The following VAPA variants were observed in gnomAD, a reference collection of about 807,000 sequenced individuals.
The protein encoded by VAPA is vesicle-associated membrane protein-associated protein A.
Under a neutral mutation model 25.6 loss-of-function variants are expected in VAPA, and 6 were observed. The observed-to-expected ratio is 0.23, with a 90% CI of 0.13 to 0.46. VAPA has a LOEUF of 0.46. Ranked by LOEUF, VAPA falls within the 20% of genes least tolerant of loss-of-function variation. The probability of loss-of-function intolerance (pLI) is 0.99; values close to 1 mark genes in which losing one functional copy is unlikely to be tolerated. For missense variants in VAPA, 244 were observed against 302.1 expected (o/e 0.81, Z 1.43); for synonymous variants, 112 against 106.2 (o/e 1.05, Z -0.34).
intron 4 of VAPA, among the ~76,000 whole-genome samples, chr18:9,938,438 A>G (rs1046786859): frequency 2.6e-5 from 4 of 152,200 alleles, no homozygotes; most frequent in Admixed American, 6.5e-5. Context: ...GAACCTCGCC[A>G]TTTACACATC....
At position 9,927,006 on chromosome 18, in the gene VAPA, G is replaced by A. The variant is rs2069205724; in HGVS notation, c.80-4804G>A. ...ATGTGCATTGTCTGTTTATTCTTAA[G>A]TTACATTTTAGAAGTGTTTTCTGTT... is the stretch of plus-strand genomic sequence containing the variant. On this transcript the variant is annotated intron_variant, in intron 1 of 5. Coordinates refer to ENST00000400000, the MANE Select transcript of VAPA (RefSeq NM_194434.3). Among the ~76,000 whole-genome samples, 3 of 152,184 alleles carry A rather than the reference G, an allele frequency of 2.0e-5. No homozygotes were observed. The Middle Eastern group carries it at 0.01, about 518-fold the overall frequency.
chr18:9,925,504 A>G lies in VAPA; in HGVS notation c.80-6306A>G, dbSNP rs138413046. On this transcript the variant is annotated intron_variant, in intron 1 of 5. Transcript: ENST00000400000. ...TTTTTTTCCCAGAAAGTATTACTCT[A>G]TTTGTACAAAAATATTTATACAAAA... Among the ~76,000 whole-genome samples the G allele has an allele frequency of 2.6e-3, 394 of 152,196 alleles. 2 individuals carry two copies. Among genetic ancestry groups the G allele is most frequent in the African/African-American group, 9.1e-3 (378 of 41,542 alleles).
At chr18:9,929,962 G>A (rs935715685) in intron 1 of VAPA, among the ~76,000 whole-genome samples, 12 of 152,080 alleles carry the variant, frequency 7.9e-5, no homozygotes, top group Non-Finnish European at 1.8e-4. Flanking sequence ...CCCACTATCT[G>A]TATTGACAAT....
intron 1 of VAPA, chr18:9,914,954 A>G (rs2069099762): frequency 6.6e-6 from 1 of 152,096 alleles, no homozygotes; most frequent in Admixed American, 6.5e-5. Flanking sequence ...GTCGCTTGTC[A>G]CCTTTCCGCC....
At chr18:9,920,423 C>T (rs1302459214) in intron 1 of VAPA, among the ~76,000 whole-genome samples, 1 of 152,222 alleles carries the variant, frequency 6.6e-6, no homozygotes, top group Non-Finnish European at 1.5e-5. Context: ...CTGCCTCAGC[C>T]TCCCAAGTAG....
At position 9,914,278 on chromosome 18, in the gene VAPA, A is replaced by G; in HGVS notation, c.22A>G (p.Met8Val). Residue 8 changes from methionine (M) to valine (V), a missense_variant, in exon 1 of 6, where the codon ATG becomes GTG. Coordinates refer to ENST00000400000, the MANE Select transcript of VAPA (RefSeq NM_194434.3). ...TCCGATGGCGTCCGCCTCAGGGGCCATGGCGAAGCACGAGCAGATCCTGGT... is the reference window on the plus strand; with the variant it reads ...TCCGATGGCGTCCGCCTCAGGGGCCGTGGCGAAGCACGAGCAGATCCTGGT... Reference protein sequence around the residue: MASASGAMAKHEQILVLD... With the variant: MASASGAVAKHEQILVLD... 6.3e-7 allele frequency: 1 copy of G among 1,586,780 alleles called. No homozygotes were observed. The highest frequency in any genetic ancestry group is 8.6e-7 in the Non-Finnish European group (1 of 1,168,012).
At chr18:9,937,624 CAA>C (rs530126865) in intron 4 of VAPA, among the ~76,000 whole-genome samples, 168 of 152,174 alleles carry the variant, frequency 1.1e-3, no homozygotes, top group African/African-American at 3.8e-3. Flanking sequence ...CAAAAACAAA[CAA>C]AAAATAGTCT....
chr18:9,922,298 A>T (rs1296280981), intron 1 of VAPA, among the ~76,000 whole-genome samples: 1 of 152,164 alleles, frequency 6.6e-6, no homozygotes, highest in Non-Finnish European at 1.5e-5. Context: ...ACAAATCCTG[A>T]ATGATAGCAT....
chr18:9,922,141 G>A (rs547627948), intron 1 of VAPA, among the ~76,000 whole-genome samples: 2 of 151,976 alleles, frequency 1.3e-5, no homozygotes, highest in African/African-American at 4.8e-5. Context: ...ATTATTATAT[G>A]TTTTATTTTT....
intron 1 of VAPA, among the ~76,000 whole-genome samples, chr18:9,925,968 C>A (rs2069197206): frequency 6.6e-6 from 1 of 152,080 alleles, no homozygotes; most frequent in Non-Finnish European, 1.5e-5. Flanking sequence ...TAGAGTCAGA[C>A]CTGGTTTGAC....
At chr18:9,945,627 G>A (rs569014315) in intron 4 of VAPA, among the ~76,000 whole-genome samples, 14 of 152,206 alleles carry the variant, frequency 9.2e-5, no homozygotes, top group South Asian at 6.2e-4. Flanking sequence ...GCCTCCCAAA[G>A]TCCTGGGATT....
At position 9,931,976 on chromosome 18, in the gene VAPA, T is replaced by C; in HGVS notation, c.232+14T>C. On this transcript the variant is annotated intron_variant, in intron 2 of 5. Transcript: ENST00000400000. ...TGACTGTTTCAGGTAGCAAATCATG[T>C]TCTGAATTTATGTACATTTGAATTT... 6.4e-7 allele frequency: 1 copy of C among 1,552,760 alleles called. No individual in the cohort carries two copies. Among genetic ancestry groups the C allele is most frequent in the Non-Finnish European group, 8.7e-7 (1 of 1,144,148 alleles).
chr18:9,921,734 TTAAA>T (rs2143292412), intron 1 of VAPA, among the ~76,000 whole-genome samples: 1 of 152,276 alleles, frequency 6.6e-6, no homozygotes, highest in Admixed American at 6.5e-5. Context: ...TGGAAAAAAA[TTAAA>T]TGTGCGAGAG....
chr18:9,932,106 A>C (rs965450903), intron 2 of VAPA, 144 bp downstream of exon 2: 2 of 596,418 alleles, frequency 3.4e-6, no homozygotes, highest in African/African-American at 3.8e-5. Context: ...TTGTTACAGT[A>C]CTCTGCAAGC....
chr18:9,914,367 TG>T, intron 1 of VAPA, 32 bp downstream of exon 1: 1 of 1,544,812 alleles, frequency 6.5e-7, no homozygotes, highest in Admixed American at 2.0e-5. Flanking sequence ...CCGGGTGGGG[TG>T]GGGCGCGCGG....
intron 4 of VAPA, chr18:9,949,262 G>A (rs1231475322): frequency 1.3e-5 from 2 of 152,176 alleles, no homozygotes; most frequent in East Asian, 1.9e-4. Flanking sequence ...TTGCTTAACT[G>A]GGAAGCTTGA....
At chr18:9,919,540 G>C (rs567958600) in intron 1 of VAPA, among the ~76,000 whole-genome samples, 1 of 152,136 alleles carries the variant, frequency 6.6e-6, no homozygotes, top group African/African-American at 2.4e-5. Flanking sequence ...GTAAAATAAG[G>C]GTCTTCGATC....
intron 5 of VAPA, among the ~76,000 whole-genome samples, chr18:9,951,846 G>T (rs145030463): frequency 2.0e-5 from 3 of 152,196 alleles, no homozygotes; most frequent in African/African-American, 7.2e-5. Flanking sequence ...TTTTTAAAGT[G>T]AATTTTTGTG....
intron 5 of VAPA, 51 bp from the exon 6 acceptor site, chr18:9,954,002 C>G: frequency 6.2e-7 from 1 of 1,605,474 alleles, no homozygotes; most frequent in South Asian, 1.1e-5. Context: ...CCAGTAGTCT[C>G]GTTAGTATGC....
Sources: allele counts gnomAD v4.1 joint callset (sites outside exome capture counted in the v4.1 genomes callset), GRCh38; gene constraint gnomAD v4.1.1; transcripts MANE v1.5; gene names NCBI Gene and HGNC (gene_info 2026-07-23, HGNC 2026-07-21).